Variants in PHKB observed in about 807,000 individuals in gnomAD.
The protein encoded by PHKB is phosphorylase kinase regulatory subunit beta.
In PHKB, 122 loss-of-function variants were observed where a neutral mutation model predicts 152.1. The observed-to-expected ratio is 0.80, with a 90% CI of 0.69 to 0.93. The LOEUF (loss-of-function observed/expected upper bound fraction) is 0.93, where lower values mean the gene tolerates loss of function less well. Ranked by LOEUF, PHKB falls within the 40% of genes least tolerant of loss-of-function variation. PHKB has a pLI of 0.00. For synonymous variants in PHKB, 436 were observed against 464.9 expected, an observed-to-expected ratio of 0.94 and a Z score of 0.80; for missense variants, 1,304 against 1,328.4, an observed-to-expected ratio of 0.98 and a Z score of 0.29.
chr16:47,671,430 A>G (rs1265156160), intron 26 of PHKB, among the ~76,000 whole-genome samples: 1 of 152,138 alleles, frequency 6.6e-6, no homozygotes, highest in Non-Finnish European at 1.5e-5. Context: ...ATAGAAATAT[A>G]TATTTCATAA....
At chr16:47,579,546 G>A (rs1971807282) in intron 7 of PHKB, among the ~76,000 whole-genome samples, 1 of 152,084 alleles carries the variant, frequency 6.6e-6, no homozygotes, top group South Asian at 2.1e-4. Flanking sequence ...CACTTGCTTT[G>A]AGTAAAACAA....
chr16:47,568,451 A>T (rs1971604324), intron 7 of PHKB, among the ~76,000 whole-genome samples: 1 of 151,926 alleles, frequency 6.6e-6, no homozygotes, highest in African/African-American at 2.4e-5. Flanking sequence ...GTGGTCTGTC[A>T]TTTTTGTTTA....
intron 1 of PHKB, among the ~76,000 whole-genome samples, chr16:47,474,727 T>A (rs1969838676): frequency 6.6e-6 from 1 of 151,940 alleles, no homozygotes; most frequent in Non-Finnish European, 1.5e-5. Flanking sequence ...ACTATTTTCT[T>A]GTTTTTTTTT....
At chr16:47,597,742 G>C (rs1597113166) in intron 13 of PHKB, 2 of 122,780 alleles carry the variant, frequency 1.6e-5, no homozygotes, top group African/African-American at 6.2e-5. Flanking sequence ...AAGATGTTTT[G>C]AATATAAGCC....
In PHKB at chr16:47,692,794, AT is replaced by A. The variant is rs1483183477; in HGVS notation, c.2766-583del. ...TGGTGTATCACTACATTCTGTTATTATAATGTAAGATTTTATATCTTTTTTC... is the reference window on the plus strand; with the variant it reads ...TGGTGTATCACTACATTCTGTTATTAAATGTAAGATTTTATATCTTTTTTC... On this transcript the variant is annotated intron_variant, in intron 27 of 30. Coordinates refer to ENST00000323584, the MANE Select transcript of PHKB (RefSeq NM_000293.3). 5.9e-5 allele frequency among the ~76,000 whole-genome samples: 9 copies of A among 152,322 alleles called. No individual in the cohort carries two copies. In the East Asian group the frequency reaches 1.5e-3, roughly 26 times the overall value.
At position 47,699,756 on chromosome 16, in the gene PHKB, A is replaced by G; in HGVS notation, c.*390A>G. 1 of 259,676 alleles carries G rather than the reference A, an allele frequency of 3.9e-6. No individual in the cohort carries two copies. The highest frequency in any genetic ancestry group is 7.6e-6 in the Non-Finnish European group (1 of 131,840). 16.1% of individuals were successfully genotyped at this position (259,676 alleles called of 1,614,324 possible). On this transcript the variant is annotated 3_prime_UTR_variant, in exon 31 of 31. Coordinates refer to ENST00000323584, the MANE Select transcript of PHKB (RefSeq NM_000293.3). ...TTTGCCAACTAGTAATGCATACTGG[A>G]AATCAAAAGATACTGAAAGAATGGT... is the stretch of plus-strand genomic sequence containing the variant.
intron 1 of PHKB, among the ~76,000 whole-genome samples, chr16:47,470,216 AT>A (rs1259021879): frequency 2.0e-5 from 3 of 152,332 alleles, no homozygotes; most frequent in Admixed American, 2.0e-4. Context: ...TTACCCACGT[AT>A]TTATTCACAG....
chr16:47,501,300 G>A (rs997377806), intron 3 of PHKB, among the ~76,000 whole-genome samples: 1 of 152,146 alleles, frequency 6.6e-6, no homozygotes, highest in South Asian at 2.1e-4. Context: ...AAAAATGTCA[G>A]TATTACAGAT....
chr16:47,596,993 T>G (rs1017493756), intron 13 of PHKB, among the ~76,000 whole-genome samples: 6 of 152,160 alleles, frequency 3.9e-5, no homozygotes, highest in Non-Finnish European at 8.8e-5. Context: ...GGACCATTAT[T>G]CATTATTCTT....
intron 30 of PHKB, 135 bp downstream of exon 30, chr16:47,698,723 C>A: frequency 1.4e-6 from 1 of 735,790 alleles, no homozygotes; most frequent in Non-Finnish European, 2.1e-6. Context: ...ACTTGAGGGG[C>A]AGTCTGCCTT....
chr16:47,584,760 G>A (rs1220251396), intron 8 of PHKB, among the ~76,000 whole-genome samples: 2 of 152,218 alleles, frequency 1.3e-5, no homozygotes, highest in South Asian at 2.1e-4. Context: ...GAATAAGAAT[G>A]TGAAGATCAT....
At chr16:47,669,694 G>A (rs1055170925) in intron 26 of PHKB, among the ~76,000 whole-genome samples, 13 of 152,176 alleles carry the variant, frequency 8.5e-5, no homozygotes, top group African/African-American at 2.9e-4. Flanking sequence ...CAGCTGTGTC[G>A]TGTAAAACGC....
At chr16:47,479,753 A>T (rs1016004007) in intron 1 of PHKB, among the ~76,000 whole-genome samples, 4 of 152,104 alleles carry the variant, frequency 2.6e-5, no homozygotes, top group African/African-American at 9.7e-5. Context: ...TCCAAACTTG[A>T]ACTTAGTCTT....
chr16:47,536,108 G>C (rs1039592255), intron 6 of PHKB, among the ~76,000 whole-genome samples: 1 of 152,172 alleles, frequency 6.6e-6, no homozygotes, highest in African/African-American at 2.4e-5. Context: ...CTGGAGTGCA[G>C]TGGCGCGATC....
chr16:47,693,645 A>G (rs929590083), intron 28 of PHKB, 138 bp downstream of exon 28: 3 of 980,918 alleles, frequency 3.1e-6, no homozygotes, highest in Non-Finnish European at 4.6e-6. Flanking sequence ...ATACTAGAAA[A>G]TAAGACATCT....
At chr16:47,516,204 G>T (rs944686322) in intron 6 of PHKB, among the ~76,000 whole-genome samples, 8 of 152,126 alleles carry the variant, frequency 5.3e-5, no homozygotes, top group African/African-American at 1.7e-4. Flanking sequence ...GGGATTACAG[G>T]AGTGAGCCAC....
intron 14 of PHKB, among the ~76,000 whole-genome samples, chr16:47,628,363 T>C (rs1336204768): frequency 6.6e-6 from 1 of 152,154 alleles, no homozygotes; most frequent in East Asian, 1.9e-4. Flanking sequence ...AAACCCCGTC[T>C]CTACTAAAAA....
At chr16:47,654,198 C>T (rs1011356877) in intron 20 of PHKB, among the ~76,000 whole-genome samples, 10 of 152,262 alleles carry the variant, frequency 6.6e-5, no homozygotes, top group South Asian at 4.1e-4. Flanking sequence ...AGAATAACTA[C>T]GATCAATATG....
intron 20 of PHKB, among the ~76,000 whole-genome samples, chr16:47,657,755 AT>A (rs1567344316): frequency 6.6e-6 from 1 of 152,114 alleles, no homozygotes; most frequent in East Asian, 1.9e-4. Flanking sequence ...ATTAAATAGA[AT>A]TTTTTTCTGT....
Sources: gnomAD v4.1 joint callset for allele counts (sites outside exome capture counted in the v4.1 genomes callset) on GRCh38, gnomAD v4.1.1 for gene constraint, MANE v1.5 for transcripts, NCBI Gene and HGNC (gene_info 2026-07-23, HGNC 2026-07-21) for gene names.